ANKRD30B: variants seen among roughly 807,000 people sequenced by gnomAD.
ANKRD30B encodes the protein ankyrin repeat domain-containing protein 30B.
Under a neutral mutation model 202.2 loss-of-function variants are expected in ANKRD30B, and 144 were observed. The observed-to-expected ratio is 0.71, with a 90% CI of 0.62 to 0.82. The LOEUF is 0.82. Ranked by LOEUF, ANKRD30B falls within the 40% of genes least tolerant of loss-of-function variation. The pLI, the probability that ANKRD30B is intolerant of heterozygous loss-of-function variation, is 0.00. For missense variants in ANKRD30B, 1,487 were observed against 1,669.1 expected, an observed-to-expected ratio of 0.89 and a Z score of 1.90; for synonymous variants, 508 against 561.3, an observed-to-expected ratio of 0.91 and a Z score of 1.34.
chr18:14,872,900 C>A, the ANKRD30B span, among the ~76,000 whole-genome samples: 2 of 152,106 alleles, frequency 1.3e-5, no homozygotes, highest in Admixed American at 6.6e-5. Flanking sequence ...TATCAGGCAC[C>A]ACGCAGCCTT....
At chr18:14,847,161 T>G (rs550019385) in intron 39 of ANKRD30B, among the ~76,000 whole-genome samples, 8 of 150,004 alleles carry the variant, frequency 5.3e-5, no homozygotes, top group Admixed American at 3.3e-4. Flanking sequence ...CTTTTTGTGG[T>G]ATAAGTTTAT....
chr18:14,770,926 AG>A lies in ANKRD30B; in HGVS notation c.1257-1226del, dbSNP rs147091382. Among the ~76,000 whole-genome samples the A allele has an allele frequency of 1.1e-3, 167 of 152,204 alleles. No individual in the cohort carries two copies. In the East Asian group the frequency reaches 0.021, roughly 19 times the overall value. ...AGTGGCTTAGAGCCCCTTGAATGCT[AG>A]GGGATTAAAGGTTGCTGAGTCACAT... On this transcript the variant is annotated intron_variant, in intron 8 of 43. Coordinates refer to ENST00000690538, the MANE Select transcript of ANKRD30B (RefSeq NM_001367607.2).
the ANKRD30B span, among the ~76,000 whole-genome samples, chr18:14,869,238 A>T: frequency 6.6e-6 from 1 of 152,094 alleles, no homozygotes. Context: ...TGAGTTAGGG[A>T]AGTGACATGC....
At chr18:14,880,847 A>G in the ANKRD30B span, among the ~76,000 whole-genome samples, 1 of 152,034 alleles carries the variant, frequency 6.6e-6, no homozygotes, top group Admixed American at 6.5e-5. Context: ...TTTTGCAGCT[A>G]TTGTAAAAGG....
intron 16 of ANKRD30B, 132 bp downstream of exon 16, chr18:14,791,623 G>A: frequency 1.4e-6 from 1 of 693,218 alleles, no homozygotes. Context: ...AAGTGAAACG[G>A]TGATAAGTTA....
the ANKRD30B span, among the ~76,000 whole-genome samples, chr18:14,938,037 T>C: frequency 6.6e-6 from 1 of 152,304 alleles, no homozygotes; most frequent in African/African-American, 2.4e-5. Context: ...TCCGCACTGA[T>C]GATGCTCATC....
chr18:14,752,562 G>A lies in ANKRD30B; in HGVS notation c.222-4G>A, dbSNP rs756786397. The stretch of plus-strand genomic sequence containing the variant: ...TTTGCCTAAAAGTCCTCTCACTCTC[G>A]TAGGACTGCTCTACACTGGGCCTGT... On this transcript the variant is annotated splice_region_variant and splice_polypyrimidine_tract_variant and intron_variant, in intron 1 of 43. Coordinates refer to ENST00000690538, the MANE Select transcript of ANKRD30B (RefSeq NM_001367607.2). 2.1e-5 allele frequency: 34 copies of A among 1,608,246 alleles called. No homozygotes were observed. The highest frequency in any genetic ancestry group is 1.3e-4 in the African/African-American group (10 of 74,680).
At chr18:14,885,305 A>T in the ANKRD30B span, among the ~76,000 whole-genome samples, 1 of 152,044 alleles carries the variant, frequency 6.6e-6, no homozygotes. Flanking sequence ...ATGCTCAAGT[A>T]AATGGCAGTG....
At chr18:14,932,632 C>T in the ANKRD30B span, among the ~76,000 whole-genome samples, 3 of 152,080 alleles carry the variant, frequency 2.0e-5, no homozygotes, top group African/African-American at 4.8e-5. Flanking sequence ...GCCACCGCGC[C>T]GGCCTCCCCT....
intron 10 of ANKRD30B, among the ~76,000 whole-genome samples, chr18:14,779,660 T>C (rs991403861): frequency 6.6e-6 from 1 of 152,144 alleles, no homozygotes; most frequent in Non-Finnish European, 1.5e-5. Context: ...GAATAGCAAA[T>C]TTCAGACATA....
intron 26 of ANKRD30B, among the ~76,000 whole-genome samples, chr18:14,809,318 C>T (rs1047046730): frequency 2.6e-5 from 4 of 150,962 alleles, no homozygotes; most frequent in South Asian, 4.2e-4. Context: ...AAAAGAAACA[C>T]AGTCTTTCCA....
At chr18:14,800,477 A>G (rs1375067187) in intron 22 of ANKRD30B, among the ~76,000 whole-genome samples, 1 of 150,664 alleles carries the variant, frequency 6.6e-6, no homozygotes, top group Non-Finnish European at 1.5e-5. Flanking sequence ...GACGCCTACC[A>G]CAACGCCTGG....
intron 42 of ANKRD30B, among the ~76,000 whole-genome samples, chr18:14,853,501 T>C (rs542398832): frequency 1.3e-5 from 2 of 151,618 alleles, no homozygotes; most frequent in African/African-American, 4.8e-5. Flanking sequence ...AGGAAAGAAT[T>C]CCACTGTTTA....
At chr18:14,767,023 CCCAAGAT>C (rs1296748436) in intron 7 of ANKRD30B, among the ~76,000 whole-genome samples, 2 of 152,142 alleles carry the variant, frequency 1.3e-5, no homozygotes, top group Non-Finnish European at 2.9e-5. Context: ...GAAAAAATCT[CCCAAGAT>C]CCTACCTAAC....
intron 37 of ANKRD30B, 24 bp downstream of exon 37, chr18:14,840,702 A>C (rs2143175743): frequency 7.6e-7 from 1 of 1,315,016 alleles, no homozygotes; most frequent in South Asian, 1.3e-5. Context: ...TTTATTTAAA[A>C]CATCTTTTGT....
At chr18:14,940,718 C>A in the ANKRD30B span, among the ~76,000 whole-genome samples, 1 of 152,192 alleles carries the variant, frequency 6.6e-6, no homozygotes, top group Non-Finnish European at 1.5e-5. Context: ...GAAGTCACTG[C>A]TTCCCTTTTC....
the ANKRD30B span, among the ~76,000 whole-genome samples, chr18:14,934,948 A>ACACACAC: frequency 1.6e-5 from 2 of 126,416 alleles, no homozygotes; most frequent in African/African-American, 6.8e-5. Context: ...ACACACACAC[A>ACACACAC]CCCCATCGTG....
At chr18:14,779,746 C>A (rs934567586) in intron 10 of ANKRD30B, among the ~76,000 whole-genome samples, 1 of 111,744 alleles carries the variant, frequency 8.9e-6, no homozygotes, top group African/African-American at 3.2e-5. Context: ...ATTTTTATTG[C>A]TTTTTGCATT....
At chr18:14,895,122 ACAC>A in the ANKRD30B span, among the ~76,000 whole-genome samples, 1 of 48,308 alleles carries the variant, frequency 2.1e-5, no homozygotes, top group African/African-American at 4.6e-5. Context: ...GCAACAACTG[ACAC>A]TGGGGACTAC....
Sources: allele counts gnomAD v4.1 joint callset (sites outside exome capture counted in the v4.1 genomes callset), GRCh38; gene constraint gnomAD v4.1.1; transcripts MANE v1.5; gene names NCBI Gene and HGNC (gene_info 2026-07-23, HGNC 2026-07-21).